The following NPEPL1 variants were observed in gnomAD, a reference collection of about 807,000 sequenced individuals.
NPEPL1 encodes aminopeptidase like 1, also known as probable aminopeptidase NPEPL1.
In NPEPL1, 45 loss-of-function variants were observed where a neutral mutation model predicts 52.4. That is an observed-to-expected ratio of 0.86 (90% confidence interval 0.68 to 1.10). NPEPL1 has a LOEUF of 1.10. NPEPL1 is among the 50% of genes least tolerant of loss of function. The pLI is 0.00. For missense variants in NPEPL1, 696 were observed against 710.9 expected (o/e 0.98, Z 0.24); for synonymous variants, 360 against 314.7 (o/e 1.14, Z -1.52).
chr20:58,691,857 T>C (rs6123823), upstream of NPEPL1: 528,456 of 1,428,606 alleles, frequency 0.37, 102,120 homozygotes, highest in East Asian at 0.44. Context: ...TTTAAATGAC[T>C]CCTGGGTGGA....
intron 6 of NPEPL1, chr20:58,704,447 T>G: frequency 2.3e-6 from 2 of 861,426 alleles, no homozygotes; most frequent in Non-Finnish European, 2.8e-6. Flanking sequence ...TGATATTTAC[T>G]CTACTGGAAA....
chr20:58,707,602 C>G (rs567866449), intron 7 of NPEPL1, among the ~76,000 whole-genome samples: 3 of 152,210 alleles, frequency 2.0e-5, no homozygotes, highest in Non-Finnish European at 4.4e-5. Flanking sequence ...TGACTGGTCT[C>G]ACCAAGTCAC....
At chr20:58,691,226 C>G, upstream of NPEPL1, 1 of 699,036 alleles carries the variant, frequency 1.4e-6, no homozygotes, top group Non-Finnish European at 2.6e-6. Flanking sequence ...TTCATACACA[C>G]TGTTAGTACC....
upstream of NPEPL1, chr20:58,691,062 C>T (rs2084334383): frequency 1.4e-6 from 1 of 702,274 alleles, no homozygotes; most frequent in African/African-American, 1.7e-5. Flanking sequence ...GGCCTTCTTT[C>T]TCAATCTCTT....
At chr20:58,695,228 CTGTG>C (rs1350669412) in intron 3 of NPEPL1, among the ~76,000 whole-genome samples, 3 of 1,362 alleles carry the variant, frequency 2.2e-3, no homozygotes, top group Middle Eastern at 0.1. Context: ...GCATGTGTTG[CTGTG>C]TGTATGAGTG....
intron 6 of NPEPL1, chr20:58,703,637 AACTC>A: frequency 1.0e-6 from 1 of 985,350 alleles, no homozygotes; most frequent in Non-Finnish European, 1.2e-6. Flanking sequence ...TTGTGGCACT[AACTC>A]TAGTCACTTA....
chr20:58,694,974 ATG>A (rs1491476988), intron 3 of NPEPL1, among the ~76,000 whole-genome samples: 1 of 25,544 alleles, frequency 3.9e-5, no homozygotes, highest in Admixed American at 4.8e-4. Flanking sequence ...GTGTATGTGC[ATG>A]TGTTGTATGT....
intron 3 of NPEPL1, among the ~76,000 whole-genome samples, chr20:58,697,295 A>G (rs1354646001): frequency 2.0e-5 from 3 of 152,166 alleles, no homozygotes; most frequent in Non-Finnish European, 4.4e-5. Context: ...CAGAGCCCCG[A>G]GCTCGCCGTG....
At position 58,714,568 on chromosome 20, in the gene NPEPL1, C is replaced by A; in HGVS notation, c.1311C>A (p.Asp437Glu). Residue 437 changes from aspartate (D) to glutamate (E), a missense_variant, in exon 11 of 12, where the codon GAC (aspartate) becomes GAA (glutamate). Coordinates refer to ENST00000356091, the MANE Select transcript of NPEPL1 (RefSeq NM_024663.4). The part of the protein sequence containing the change: ...ADMKNSVADR[D>E]NSPSSCAGLF... ...CCTCCTGGCCTCCCTAGGACCGAGA[C>A]AACAGCCCCAGCTCCTGTGCTGGCC... is the stretch of plus-strand genomic sequence containing the variant. 1 of 1,582,892 alleles carries A rather than the reference C, an allele frequency of 6.3e-7. No homozygotes were observed.
rs370739919 is a variant in NPEPL1, at chr20:58,713,486, T to C, written c.1068T>C (p.Ala356=). 2.0e-5 allele frequency: 32 copies of C among 1,611,472 alleles called. No individual in the cohort carries two copies. The highest frequency in any genetic ancestry group is 2.7e-5 in the Non-Finnish European group (32 of 1,179,122). Residue 356 remains alanine, a synonymous_variant, in exon 9 of 12, where the codon GCT becomes GCC. Coordinates refer to ENST00000356091, the MANE Select transcript of NPEPL1 (RefSeq NM_024663.4). This position sits in a 1 kb window ranked among gnomAD's most constrained non-coding sequence, Gnocchi z 4.6. ...RLVLADGVSY[A]CKDLGADIIL... ...TGCTGGCAGATGGCGTGTCCTATGCTTGCAAGGACCTGGGGGCCGACATCA... is the reference window on the plus strand; with the variant it reads ...TGCTGGCAGATGGCGTGTCCTATGCCTGCAAGGACCTGGGGGCCGACATCA...
At chr20:58,708,497 G>A (rs1037120498) in intron 7 of NPEPL1, among the ~76,000 whole-genome samples, 2 of 152,238 alleles carry the variant, frequency 1.3e-5, no homozygotes, top group Non-Finnish European at 2.9e-5. Flanking sequence ...CACAGCTGGG[G>A]CTGTACGCAG....
At position 58,713,880 on chromosome 20, in the gene NPEPL1, TC is replaced by T. The variant is rs1309677902; in HGVS notation, c.1126-34del. The T allele has an allele frequency of 1.4e-6, 2 of 1,429,830 alleles. No homozygotes were observed. Among genetic ancestry groups the T allele is most frequent in the South Asian group, 1.6e-5 (1 of 63,156 alleles). The allele number at this position is 1,429,830 out of a possible 1,614,324, so 88.6% of individuals were successfully genotyped here. A position where few individuals can be genotyped will look rare whatever the true frequency, so the allele number is the denominator to read the frequency against. On this transcript the variant is annotated intron_variant, in intron 9 of 11. Transcript: ENST00000356091. This position sits in a 1 kb window ranked among gnomAD's most constrained non-coding sequence, Gnocchi z 4.6. ...TGCCTTGGGTGTTTCTCTCCTGCCG[TC>T]CCGTCCACACGCTTCCCGGGTTCCT... is the stretch of plus-strand genomic sequence containing the variant.
chr20:58,700,123 G>A (rs146515527), intron 5 of NPEPL1, among the ~76,000 whole-genome samples: 411 of 152,328 alleles, frequency 2.7e-3, no homozygotes, highest in African/African-American at 9.4e-3. Flanking sequence ...GCCACCCTCC[G>A]AGCAAGGTCT....
rs1171427171 is a variant in NPEPL1 at position 58,699,193 on chromosome 20, C to T, written c.598-4C>T. 4 of 1,590,132 alleles carry T rather than the reference C, an allele frequency of 2.5e-6. No homozygotes were observed. Among genetic ancestry groups the T allele is most frequent in the Non-Finnish European group, 3.4e-6 (4 of 1,168,162 alleles). On this transcript the variant is annotated splice_polypyrimidine_tract_variant and splice_region_variant and intron_variant, in intron 4 of 11. Coordinates refer to ENST00000356091, the MANE Select transcript of NPEPL1 (RefSeq NM_024663.4). ...GCTGTTGTTTTTTCCATGAACATGT[C>T]CAGGAGATTAACAAAGTTGGAAAGG...
intron 2 of NPEPL1, 127 bp downstream of exon 2, chr20:58,694,049 T>A: frequency 2.1e-6 from 2 of 948,856 alleles, no homozygotes; most frequent in Non-Finnish European, 3.0e-6. Flanking sequence ...TTATCATCCC[T>A]GCTCTGTAGA....
upstream of NPEPL1, chr20:58,692,144 G>A: frequency 2.5e-6 from 1 of 401,784 alleles, no homozygotes; most frequent in Non-Finnish European, 4.5e-6. This position sits in a 1 kb window ranked among gnomAD's most constrained non-coding sequence, Gnocchi z 5.7. Flanking sequence ...ATGCAGCCAG[G>A]CAGTGCCTGG....
At position 58,695,357 on chromosome 20, in the gene NPEPL1, C is replaced by A. The variant is rs2084465746; in HGVS notation, c.507+765C>A. On this transcript the variant is annotated intron_variant, in intron 3 of 11. Coordinates refer to ENST00000356091, the MANE Select transcript of NPEPL1 (RefSeq NM_024663.4). ...GTGTGTGTGCATGTGTGTTGCTGCACCCTTTACAGGGAGCACTTCTACATG... is the reference window on the plus strand; with the variant it reads ...GTGTGTGTGCATGTGTGTTGCTGCAACCTTTACAGGGAGCACTTCTACATG... Among the ~76,000 whole-genome samples the A allele has an allele frequency of 4.5e-3, 3 of 670 alleles. No individual in the cohort carries two copies. In the South Asian group the frequency reaches 0.11, roughly 24 times the overall value. The allele number at this position is 670 out of a possible 152,430, so 0.4% of individuals were successfully genotyped here.
intron 1 of NPEPL1, chr20:58,693,512 G>A: frequency 2.1e-6 from 1 of 477,578 alleles, no homozygotes; most frequent in South Asian, 3.8e-5. Flanking sequence ...GGCCCTTCCA[G>A]GCTTGGTGGC....
upstream of NPEPL1, chr20:58,691,139 TCCA>T: frequency 1.4e-6 from 1 of 703,200 alleles, no homozygotes; most frequent in Admixed American, 2.0e-5. Context: ...AGGAAGATCC[TCCA>T]GCTGTCTCAG....
Sources: gnomAD v4.1 joint callset for allele counts (sites outside exome capture counted in the v4.1 genomes callset) on GRCh38, gnomAD v4.1.1 for gene constraint, Gnocchi (gnomAD v3.1) non-coding constraint, MANE v1.5 for transcripts, NCBI Gene and HGNC (gene_info 2026-07-23, HGNC 2026-07-21) for gene names.